Variants in THSD4 observed in about 807,000 individuals in gnomAD.
The protein encoded by THSD4 is thrombospondin type-1 domain-containing protein 4.
Under a neutral mutation model 119.0 loss-of-function variants are expected in THSD4, and 69 were observed. That is an observed-to-expected ratio of 0.58 (90% CI 0.48 to 0.71). The LOEUF is 0.71. THSD4 is among the 30% of genes least tolerant of loss of function. THSD4 has a pLI of 0.00. For missense variants in THSD4, 1,393 were observed against 1,391.1 expected (o/e 1.00, Z -0.02); for synonymous variants, 524 against 540.4 (o/e 0.97, Z 0.42).
intron 6 of THSD4, among the ~76,000 whole-genome samples, chr15:71,303,174 A>G (rs1355804365): frequency 6.6e-6 from 1 of 152,156 alleles, no homozygotes; most frequent in Non-Finnish European, 1.5e-5. Flanking sequence ...AAACTCCCCA[A>G]GTGATTCTGG....
chr15:71,724,761 T>G (rs994321967), intron 8 of THSD4, among the ~76,000 whole-genome samples: 4 of 152,060 alleles, frequency 2.6e-5, no homozygotes, highest in Admixed American at 1.3e-4. Context: ...ATTATGACAG[T>G]GGACATGAAG....
At position 71,492,739 on chromosome 15, in the gene THSD4, G is replaced by GTCTC. The variant is rs1567007059; in HGVS notation, c.1152+80919_1152+80920insCTCT. 5.1e-3 allele frequency among the ~76,000 whole-genome samples: 782 copies of GTCTC among 152,208 alleles called. 9 individuals carry two copies. Among genetic ancestry groups the GTCTC allele is most frequent in the South Asian group, 0.044 (210 of 4,822 alleles). ...GTCCCAGGTCCAGAGTTAGCCCAGG[G>GTCTC]TCTTTTTCAAAGTGCAGAAGCTCCC... On this transcript the variant is annotated intron_variant, in intron 7 of 17. Transcript: ENST00000261862.
At chr15:71,525,907 C>G (rs2048511094) in intron 7 of THSD4, among the ~76,000 whole-genome samples, 1 of 152,204 alleles carries the variant, frequency 6.6e-6, no homozygotes, top group Non-Finnish European at 1.5e-5. Context: ...CCCTCAAGGA[C>G]AGGGAATGGG....
chr15:71,208,714 G>A (rs1281911726), intron 3 of THSD4, among the ~76,000 whole-genome samples: 1 of 151,970 alleles, frequency 6.6e-6, no homozygotes. Flanking sequence ...GTTTCACCAT[G>A]TTGGCCAGGC....
chr15:71,382,059 T>A (rs1359336255), intron 6 of THSD4, among the ~76,000 whole-genome samples: 4 of 152,178 alleles, frequency 2.6e-5, no homozygotes, highest in Non-Finnish European at 4.4e-5. Context: ...AACACTTAAA[T>A]ATGACCTTGG....
intron 6 of THSD4, among the ~76,000 whole-genome samples, chr15:71,393,864 C>G (rs1020793277): frequency 2.6e-5 from 4 of 152,108 alleles, no homozygotes; most frequent in African/African-American, 9.7e-5. Flanking sequence ...GACAGACTAG[C>G]TGATTTCTAT....
chr15:71,441,068 C>T (rs1566983989), intron 7 of THSD4, among the ~76,000 whole-genome samples: 1 of 152,124 alleles, frequency 6.6e-6, no homozygotes, highest in East Asian at 1.9e-4. Context: ...GTCCTCTTAT[C>T]TATAAATTTG....
intron 3 of THSD4, among the ~76,000 whole-genome samples, chr15:71,198,716 C>G (rs1396403837): frequency 8.6e-5 from 13 of 152,034 alleles, no homozygotes; most frequent in Non-Finnish European, 1.9e-4. Context: ...TTCAGGAACC[C>G]CAGCTGGCAT....
At chr15:71,218,269 A>G (rs1484188328) in intron 4 of THSD4, among the ~76,000 whole-genome samples, 3 of 152,158 alleles carry the variant, frequency 2.0e-5, no homozygotes, top group African/African-American at 7.2e-5. Flanking sequence ...CTGAGTTTTG[A>G]AGGCGGTGCT....
At chr15:71,704,529 C>T (rs1371107861) in intron 8 of THSD4, among the ~76,000 whole-genome samples, 2 of 152,220 alleles carry the variant, frequency 1.3e-5, no homozygotes. Flanking sequence ...TGACACCTCC[C>T]CAGCCATGTG....
At chr15:71,756,948 A>G (rs1192368830) in intron 14 of THSD4, among the ~76,000 whole-genome samples, 1 of 152,216 alleles carries the variant, frequency 6.6e-6, no homozygotes, top group Non-Finnish European at 1.5e-5. Context: ...AAAATCACTA[A>G]TAGATATTTG....
At chr15:71,647,195 A>G (rs1456272315) in intron 7 of THSD4, among the ~76,000 whole-genome samples, 1 of 152,212 alleles carries the variant, frequency 6.6e-6, no homozygotes, top group Non-Finnish European at 1.5e-5. Context: ...CTAAATATTT[A>G]TGTATACAAG....
At chr15:71,731,650 G>A (rs995973933) in intron 10 of THSD4, 7 of 187,836 alleles carry the variant, frequency 3.7e-5, no homozygotes, top group African/African-American at 1.6e-4. Flanking sequence ...AGGCATGGTG[G>A]TGTGTGCCTG....
intron 7 of THSD4, among the ~76,000 whole-genome samples, chr15:71,438,382 A>ATTTTCTC (rs1225342594): frequency 6.6e-6 from 1 of 151,602 alleles, no homozygotes; most frequent in Non-Finnish European, 1.5e-5. Flanking sequence ...AAATTTAGCA[A>ATTTTCTC]TTTTCTCTTT....
intron 1 of THSD4, among the ~76,000 whole-genome samples, chr15:71,134,913 C>A (rs2040535259): frequency 6.6e-6 from 1 of 150,562 alleles, no homozygotes; most frequent in Admixed American, 6.6e-5. Context: ...AAGACACATG[C>A]ACACGTATGT....
At position 71,242,817 on chromosome 15, in the gene THSD4, C is replaced by T. The variant is rs1345335442; in HGVS notation, c.633C>T (p.Tyr211=). 10 of 1,614,114 alleles carry T rather than the reference C, an allele frequency of 6.2e-6. No homozygotes were observed. The highest frequency in any genetic ancestry group is 1.3e-5 in the African/African-American group (1 of 74,938). ...SQGASSARHG[Y]SSPAHQVPQH... Reference sequence around the variant, plus strand: ...GAGCATCTTCTGCTAGGCATGGCTACAGTTCACCAGCCCACCAGGTCCCCC... The same window carrying T: ...GAGCATCTTCTGCTAGGCATGGCTATAGTTCACCAGCCCACCAGGTCCCCC... Residue 211 remains tyrosine (Y), a synonymous_variant, in exon 5 of 18, where the codon TAC becomes TAT. Coordinates refer to ENST00000261862, the MANE Select transcript of THSD4 (RefSeq NM_024817.3).
At position 71,357,307 on chromosome 15, in the gene THSD4, C is replaced by T. The variant is rs544559835; in HGVS notation, c.1016-54380C>T. Among the ~76,000 whole-genome samples the T allele has an allele frequency of 4.6e-5, 7 of 152,340 alleles. No individual in the cohort carries two copies. The South Asian group carries it at 1.4e-3, about 32-fold the overall frequency. ...TCTAAACTCGGTTATGAGAGGGTGT[C>T]ATTCCCTGCTCTAGACCCCATCGCT... is the stretch of plus-strand genomic sequence containing the variant. On this transcript the variant is annotated intron_variant, in intron 6 of 17. Transcript: ENST00000261862.
intron 1 of THSD4, among the ~76,000 whole-genome samples, chr15:71,109,479 A>G (rs1393259486): frequency 6.6e-6 from 1 of 152,216 alleles, no homozygotes; most frequent in Non-Finnish European, 1.5e-5. Context: ...GGATCTGAGA[A>G]CTGGAAGGGG....
At chr15:71,135,514 C>T (rs907708413) in intron 1 of THSD4, among the ~76,000 whole-genome samples, 2 of 152,076 alleles carry the variant, frequency 1.3e-5, no homozygotes, top group African/African-American at 4.8e-5. Context: ...CCTGTGCCTG[C>T]CATTGTCAGC....
Sources: gnomAD v4.1 joint callset for allele counts (sites outside exome capture counted in the v4.1 genomes callset) on GRCh38, gnomAD v4.1.1 for gene constraint, MANE v1.5 for transcripts, NCBI Gene and HGNC (gene_info 2026-07-23, HGNC 2026-07-21) for gene names.